The following SPOCK1 variants were observed in gnomAD, a reference collection of about 807,000 sequenced individuals.
SPOCK1 encodes the protein SPARC (osteonectin), cwcv and kazal like domains proteoglycan 1, also known as testican-1.
SPOCK1 carries 23 observed loss-of-function variants against 55.3 expected under a neutral mutation model. The ratio of observed to expected loss-of-function variants is 0.42; its 90% CI spans 0.30 to 0.59. The LOEUF (loss-of-function observed/expected upper bound fraction) is 0.59. Among genes scored for constraint, SPOCK1 ranks in the 20% least tolerant of loss-of-function variants. The pLI is 0.22. For missense variants in SPOCK1, 499 were observed against 552.5 expected, an observed-to-expected ratio of 0.90 and a Z score of 0.97; for synonymous variants, 226 against 221.0, an observed-to-expected ratio of 1.02 and a Z score of -0.20.
chr5:137,111,598 A>G (rs1753474886), intron 5 of SPOCK1, among the ~76,000 whole-genome samples: 1 of 152,138 alleles, frequency 6.6e-6, no homozygotes, highest in African/African-American at 2.4e-5. Flanking sequence ...CCTTTAGTTC[A>G]TTATCCTGGT....
At chr5:136,983,541 A>G (rs1273536954) in intron 9 of SPOCK1, among the ~76,000 whole-genome samples, 2 of 150,412 alleles carry the variant, frequency 1.3e-5, no homozygotes, top group Non-Finnish European at 3.0e-5. Context: ...CAGTAGCCCA[A>G]AAAGAGATTT....
chr5:137,445,858 T>A (rs1410133046), intron 2 of SPOCK1, among the ~76,000 whole-genome samples: 3 of 152,160 alleles, frequency 2.0e-5, no homozygotes, highest in African/African-American at 7.2e-5. Context: ...AATAGATATA[T>A]TATGCTCTAA....
At chr5:137,214,863 C>T (rs568015043) in intron 3 of SPOCK1, among the ~76,000 whole-genome samples, 1 of 152,210 alleles carries the variant, frequency 6.6e-6, no homozygotes, top group African/African-American at 2.4e-5. Flanking sequence ...TATTCCACTC[C>T]TATGCATATT....
chr5:137,289,763 T>C (rs1298973968), intron 2 of SPOCK1, among the ~76,000 whole-genome samples: 2 of 152,166 alleles, frequency 1.3e-5, no homozygotes, highest in Non-Finnish European at 2.9e-5. Flanking sequence ...AGAGAGAAGA[T>C]ACTTGCATCA....
In SPOCK1 at chr5:137,381,166, G is replaced by T. The variant is rs147567592; in HGVS notation, c.187-114111C>A. 1.4e-3 allele frequency among the ~76,000 whole-genome samples: 207 copies of T among 152,228 alleles called. 1 individual carries two copies. Among genetic ancestry groups the T allele is most frequent in the African/African-American group, 4.7e-3 (197 of 41,518 alleles). On this transcript the variant is annotated intron_variant, in intron 2 of 10. Transcript: ENST00000394945. ...TAAAGCTCCAAAATAATCTCCTTTTGACTCCATGTCTCACATCCAGGCCAC... is the reference window on the plus strand; with the variant it reads ...TAAAGCTCCAAAATAATCTCCTTTTTACTCCATGTCTCACATCCAGGCCAC...
chr5:137,261,311 T>C (rs1756738155), intron 3 of SPOCK1, among the ~76,000 whole-genome samples: 2 of 152,160 alleles, frequency 1.3e-5, no homozygotes, highest in Admixed American at 1.3e-4. Flanking sequence ...CAATCTTGAC[T>C]CCCCAGACAC....
chr5:137,046,448 T>C (rs1288810636), intron 6 of SPOCK1, among the ~76,000 whole-genome samples: 3 of 152,236 alleles, frequency 2.0e-5, no homozygotes, highest in East Asian at 1.9e-4. Flanking sequence ...TCTCCTGTTA[T>C]TGGTGTATAA....
chr5:137,427,495 C>T (rs1752656205), intron 2 of SPOCK1, among the ~76,000 whole-genome samples: 1 of 152,202 alleles, frequency 6.6e-6, no homozygotes, highest in African/African-American at 2.4e-5. Context: ...TGTTTTCTCA[C>T]AAAGGTGCAT....
At chr5:137,025,065 G>A (rs1008981083) in intron 6 of SPOCK1, among the ~76,000 whole-genome samples, 5 of 152,130 alleles carry the variant, frequency 3.3e-5, no homozygotes, top group African/African-American at 1.2e-4. Context: ...TCAGTCAAAT[G>A]GATATCATCA....
At chr5:137,346,417 C>A (rs1254699772) in intron 2 of SPOCK1, among the ~76,000 whole-genome samples, 2 of 152,172 alleles carry the variant, frequency 1.3e-5, no homozygotes, top group East Asian at 3.9e-4. Flanking sequence ...TGACCCCAAC[C>A]TGCTTCCAGC....
At chr5:137,140,821 C>T (rs921558173) in intron 3 of SPOCK1, 127 bp from the exon 4 acceptor site, 14 of 535,406 alleles carry the variant, frequency 2.6e-5, no homozygotes, top group Middle Eastern at 5.3e-4. Context: ...TGCGGTGGCG[C>T]GATCTCAGCT....
At chr5:137,475,891 TAA>T (rs551021371) in intron 2 of SPOCK1, among the ~76,000 whole-genome samples, 7 of 152,044 alleles carry the variant, frequency 4.6e-5, no homozygotes, top group Non-Finnish European at 8.8e-5. Flanking sequence ...TATTTGAACA[TAA>T]AAAAAGATGA....
intron 2 of SPOCK1, among the ~76,000 whole-genome samples, chr5:137,491,114 C>A (rs1202263843): frequency 2.6e-5 from 4 of 152,182 alleles, no homozygotes; most frequent in African/African-American, 9.7e-5. Context: ...CCCCAGAGCC[C>A]CACAATGCAA....
chr5:137,232,533 G>T (rs1756083704), intron 3 of SPOCK1, among the ~76,000 whole-genome samples: 1 of 152,164 alleles, frequency 6.6e-6, no homozygotes, highest in Admixed American at 6.5e-5. Flanking sequence ...CTGTTTCACG[G>T]ATCCATGTGT....
chr5:137,131,993 T>A (rs58086659), intron 4 of SPOCK1, among the ~76,000 whole-genome samples: 1,347 of 32,364 alleles, frequency 0.042, 65 homozygotes, highest in African/African-American at 0.068. Flanking sequence ...AAAAAAAATA[T>A]ATATATATAT....
intron 2 of SPOCK1, among the ~76,000 whole-genome samples, chr5:137,321,614 G>A (rs987453917): frequency 3.9e-5 from 6 of 152,108 alleles, no homozygotes; most frequent in African/African-American, 7.2e-5. Context: ...GGTGGTTCAC[G>A]CCTGTAATCC....
At chr5:137,390,244 A>T (rs1015322413) in intron 2 of SPOCK1, among the ~76,000 whole-genome samples, 5 of 152,198 alleles carry the variant, frequency 3.3e-5, no homozygotes, top group South Asian at 2.1e-4. Context: ...TGGAGAAGTC[A>T]ATCTGGGGAA....
At chr5:137,017,443 C>T (rs528245076) in intron 6 of SPOCK1, among the ~76,000 whole-genome samples, 1 of 152,296 alleles carries the variant, frequency 6.6e-6, no homozygotes, top group African/African-American at 2.4e-5. Flanking sequence ...ACATTATTCT[C>T]AACACCTAGC....
intron 2 of SPOCK1, among the ~76,000 whole-genome samples, chr5:137,401,239 C>G (rs1294396484): frequency 6.6e-6 from 1 of 152,198 alleles, no homozygotes; most frequent in East Asian, 1.9e-4. Flanking sequence ...AGGAGTTTAT[C>G]TTTCCATCAT....
Sources: allele counts gnomAD v4.1 joint callset (sites outside exome capture counted in the v4.1 genomes callset), GRCh38; gene constraint gnomAD v4.1.1; transcripts MANE v1.5; gene names NCBI Gene and HGNC (gene_info 2026-07-23, HGNC 2026-07-21).